The following FER variants were observed in gnomAD, a reference collection of about 807,000 sequenced individuals.
FER encodes the protein tyrosine-protein kinase Fer.
In FER, 63 loss-of-function variants were observed where a neutral mutation model predicts 111.0. That is an observed-to-expected ratio of 0.57 (90% CI 0.46 to 0.70). FER has a LOEUF of 0.70. Ranked by LOEUF, FER falls within the 30% of genes least tolerant of loss-of-function variation. The pLI is 0.00. For synonymous variants in FER, 327 were observed against 313.9 expected (o/e 1.04, Z -0.44); for missense variants, 914 against 954.0 (o/e 0.96, Z 0.55).
intron 17 of FER, among the ~76,000 whole-genome samples, chr5:109,110,821 C>A (rs10036203): frequency 0.42 from 63,516 of 151,768 alleles, 13,771 homozygotes; most frequent in African/African-American, 0.52. Flanking sequence ...ACGTATTACT[C>A]CATCAAACTG....
chr5:108,898,671 C>T (rs1429198767), intron 10 of FER, among the ~76,000 whole-genome samples: 1 of 145,410 alleles, frequency 6.9e-6, no homozygotes. Flanking sequence ...TCTTTCTTTT[C>T]TCTCTCTTCC....
At chr5:109,154,732 A>C (rs1755187707) in intron 17 of FER, among the ~76,000 whole-genome samples, 1 of 151,966 alleles carries the variant, frequency 6.6e-6, no homozygotes. Flanking sequence ...AATTTTATTC[A>C]ACCTACCACA....
intron 10 of FER, among the ~76,000 whole-genome samples, chr5:108,912,325 C>A (rs1426858017): frequency 6.6e-6 from 1 of 152,028 alleles, no homozygotes; most frequent in Non-Finnish European, 1.5e-5. Context: ...AAGTGACCTG[C>A]CTAAAGGGTT....
At position 108,784,112 on chromosome 5, in the gene FER, G is replaced by T. The variant is rs1754398088; in HGVS notation, c.-59-14012G>T. The T allele has an allele frequency of 1.9e-5, 3 of 154,552 alleles. No individual in the cohort carries two copies. In the South Asian group the frequency reaches 5.5e-4, roughly 28 times the overall value. 9.6% of individuals were successfully genotyped at this position (154,552 alleles called of 1,614,324 possible). ...TTGCCATCATCATGACTGAGCAGATGACCCTTTGTGGCACCCTCAGGGCCC... is the reference window on the plus strand; with the variant it reads ...TTGCCATCATCATGACTGAGCAGATTACCCTTTGTGGCACCCTCAGGGCCC... On this transcript the variant is annotated intron_variant, in intron 2 of 19. Coordinates refer to ENST00000281092, the MANE Select transcript of FER (RefSeq NM_005246.4).
intron 13 of FER, among the ~76,000 whole-genome samples, chr5:109,008,085 C>T (rs1299393507): frequency 6.6e-6 from 1 of 152,018 alleles, no homozygotes; most frequent in Non-Finnish European, 1.5e-5. Flanking sequence ...TCTTTGTGGG[C>T]ACTTTTGACA....
At chr5:109,133,101 G>A (rs1235173825) in intron 17 of FER, among the ~76,000 whole-genome samples, 2 of 152,124 alleles carry the variant, frequency 1.3e-5, no homozygotes, top group Non-Finnish European at 2.9e-5. Flanking sequence ...CGGTTTTATT[G>A]GAAAGTAAAT....
chr5:109,118,279 G>C (rs574801432), intron 17 of FER, among the ~76,000 whole-genome samples: 1 of 151,982 alleles, frequency 6.6e-6, no homozygotes, highest in Admixed American at 6.6e-5. Context: ...GGTTTTTGTC[G>C]TTGGTTCTGT....
chr5:109,074,769 T>C (rs990444888), intron 16 of FER, among the ~76,000 whole-genome samples: 5 of 152,274 alleles, frequency 3.3e-5, no homozygotes, highest in Non-Finnish European at 5.9e-5. Context: ...AAGCAGAGTT[T>C]GGGTCATATA....
At chr5:108,749,324 G>T (rs1304634392) in intron 1 of FER, among the ~76,000 whole-genome samples, 2 of 152,158 alleles carry the variant, frequency 1.3e-5, no homozygotes, top group Admixed American at 6.5e-5. Context: ...GAAGGCTGAG[G>T]GGGCGGGTGC....
chr5:108,867,487 A>T lies in FER; in HGVS notation c.482-280A>T, dbSNP rs114475084. 2.7e-3 allele frequency among the ~76,000 whole-genome samples: 406 copies of T among 152,228 alleles called. 1 individual carries two copies. The highest frequency in any genetic ancestry group is 9.4e-3 in the African/African-American group (389 of 41,552). ...TCAATTTGGTATAAGCTTCTTGAAG[A>T]TGAAAAGGATCATATATCTGTACTT... is the stretch of plus-strand genomic sequence containing the variant. On this transcript the variant is annotated intron_variant, in intron 5 of 19. Coordinates refer to ENST00000281092, the MANE Select transcript of FER (RefSeq NM_005246.4).
intron 13 of FER, among the ~76,000 whole-genome samples, chr5:109,024,169 C>T (rs766352081): frequency 1.3e-5 from 2 of 152,146 alleles, no homozygotes; most frequent in Non-Finnish European, 2.9e-5. Context: ...ATACATAGAA[C>T]AGAAGACTAT....
At chr5:108,774,370 G>T (rs1394328205) in intron 2 of FER, among the ~76,000 whole-genome samples, 1 of 152,176 alleles carries the variant, frequency 6.6e-6, no homozygotes, top group Non-Finnish European at 1.5e-5. Context: ...ACATACGTGT[G>T]TGTGTGTCTT....
chr5:108,829,542 A>G (rs1404554475), intron 3 of FER, among the ~76,000 whole-genome samples: 1 of 152,124 alleles, frequency 6.6e-6, no homozygotes, highest in African/African-American at 2.4e-5. Flanking sequence ...GGAAAGCCGA[A>G]GTGGGAGAAT....
intron 2 of FER, chr5:108,785,407 T>A: frequency 1.7e-6 from 1 of 588,446 alleles, no homozygotes; most frequent in South Asian, 1.4e-5. Context: ...TCATCGTAGA[T>A]GAACTGAAGC....
intron 13 of FER, among the ~76,000 whole-genome samples, chr5:109,034,509 G>A (rs780544959): frequency 5.3e-5 from 8 of 151,846 alleles, no homozygotes; most frequent in Middle Eastern, 3.4e-3. Flanking sequence ...TTAACCTATT[G>A]GCTTCTGCTT....
intron 14 of FER, among the ~76,000 whole-genome samples, chr5:109,039,094 A>T (rs1452762609): frequency 6.6e-6 from 1 of 152,082 alleles, no homozygotes; most frequent in Middle Eastern, 3.2e-3. Flanking sequence ...TATTTTAAAT[A>T]ATCATTTACA....
intron 13 of FER, among the ~76,000 whole-genome samples, chr5:109,024,648 G>A (rs117555657): frequency 1.3e-5 from 2 of 152,236 alleles, no homozygotes; most frequent in East Asian, 3.9e-4. Context: ...TGAAGATAAA[G>A]GTACCGTCTA....
intron 8 of FER, among the ~76,000 whole-genome samples, chr5:108,880,768 T>A (rs897626371): frequency 1.3e-5 from 2 of 152,178 alleles, no homozygotes; most frequent in Admixed American, 6.6e-5. Flanking sequence ...ATCTGACCTT[T>A]CCCTGATGAC....
chr5:108,866,390 A>G (rs543589414), intron 5 of FER, among the ~76,000 whole-genome samples: 3 of 152,202 alleles, frequency 2.0e-5, no homozygotes, highest in Non-Finnish European at 4.4e-5. Flanking sequence ...AACAGTGAGA[A>G]CACATGGACA....
Sources: gnomAD v4.1 joint callset for allele counts (sites outside exome capture counted in the v4.1 genomes callset) on GRCh38, gnomAD v4.1.1 for gene constraint, MANE v1.5 for transcripts, NCBI Gene and HGNC (gene_info 2026-07-23, HGNC 2026-07-21) for gene names.